The following BTG4 variants were observed in gnomAD, a reference collection of about 807,000 sequenced individuals.
BTG4 encodes the protein BTG anti-proliferation factor 4, also known as protein BTG4.
Under a neutral mutation model 19.3 loss-of-function variants are expected in BTG4, and 10 were observed. The observed-to-expected ratio is 0.52, with a 90% CI of 0.32 to 0.88. The LOEUF (loss-of-function observed/expected upper bound fraction) is 0.88, where lower values mean the gene tolerates loss of function less well. Ranked by LOEUF, BTG4 falls within the 40% of genes least tolerant of loss-of-function variation. The pLI, the probability that BTG4 is intolerant of heterozygous loss-of-function variation, is 0.04. For missense variants in BTG4, 238 were observed against 281.9 expected (o/e 0.84, Z 1.11); for synonymous variants, 91 against 95.7 (o/e 0.95, Z 0.29).
the BTG4 span, chr11:111,453,702 G>T: frequency 5.6e-6 from 2 of 356,196 alleles, no homozygotes; most frequent in Non-Finnish European, 1.1e-5. Context: ...TTCATCCACT[G>T]ATTTGCTCAA....
At chr11:111,485,769 CTT>C (rs1293808903) in intron 5 of BTG4, among the ~76,000 whole-genome samples, 3 of 152,112 alleles carry the variant, frequency 2.0e-5, no homozygotes, top group South Asian at 2.1e-4. Context: ...GAAATTGAGA[CTT>C]TAAAAAAATA....
chr11:111,488,250 A>G (rs1865187337), intron 5 of BTG4, among the ~76,000 whole-genome samples: 1 of 152,250 alleles, frequency 6.6e-6, no homozygotes, highest in Non-Finnish European at 1.5e-5. Flanking sequence ...TGGCATAAGA[A>G]CATACACATT....
the BTG4 span, among the ~76,000 whole-genome samples, chr11:111,409,600 C>T: frequency 3.3e-5 from 5 of 152,192 alleles, no homozygotes; most frequent in East Asian, 9.6e-4. Flanking sequence ...GCTTCTTTTA[C>T]AGCCTGCAGA....
the BTG4 span, among the ~76,000 whole-genome samples, chr11:111,388,174 T>C: frequency 1.3e-5 from 2 of 152,332 alleles, no homozygotes; most frequent in East Asian, 3.9e-4. Flanking sequence ...CAAGAATTCC[T>C]AGAGAATTTC....
intron 5 of BTG4, chr11:111,475,082 T>C (rs997676156): frequency 2.6e-5 from 4 of 152,614 alleles, no homozygotes; most frequent in Non-Finnish European, 5.9e-5. Context: ...TGTTTATTTT[T>C]TCCATTTTAT....
the BTG4 span, among the ~76,000 whole-genome samples, chr11:111,391,826 G>C: frequency 6.6e-6 from 1 of 152,268 alleles, no homozygotes; most frequent in African/African-American, 2.4e-5. Context: ...TTAGGAGAAA[G>C]GGTGGGAGGT....
At chr11:111,447,778 C>A in the BTG4 span, among the ~76,000 whole-genome samples, 1 of 152,200 alleles carries the variant, frequency 6.6e-6, no homozygotes, top group African/African-American at 2.4e-5. Context: ...TAGATTTCAT[C>A]CTCATGAAAT....
chr11:111,473,430 T>G (rs538664777), intron 5 of BTG4: 10 of 152,636 alleles, frequency 6.6e-5, no homozygotes, highest in Non-Finnish European at 1.3e-4. Flanking sequence ...TAAGGTGAGA[T>G]ACCCTTATGA....
the BTG4 span, among the ~76,000 whole-genome samples, chr11:111,441,551 C>T: frequency 3.3e-5 from 5 of 152,208 alleles, no homozygotes; most frequent in African/African-American, 1.2e-4. Context: ...TACGGATTGA[C>T]TTCTCTGTCC....
At chr11:111,456,247 G>T in the BTG4 span, among the ~76,000 whole-genome samples, 5 of 152,134 alleles carry the variant, frequency 3.3e-5, no homozygotes, top group Non-Finnish European at 7.4e-5. This position sits in a 1 kb window ranked among gnomAD's most constrained non-coding sequence, Gnocchi z 4.2. Flanking sequence ...TGGGAATCCC[G>T]TAGCCCCCCT....
chr11:111,497,985 T>C lies in BTG4; in HGVS notation c.311+13A>G, dbSNP rs780767318. On this transcript the variant is annotated intron_variant, in intron 3 of 4. Coordinates refer to ENST00000692032, the MANE Select transcript of BTG4 (RefSeq NM_001367975.1). ...CAGGTATCACACAGCACACAAACTATGAGATTACTCACCTACAGCATACTT... is the reference window on the plus strand; with the variant it reads ...CAGGTATCACACAGCACACAAACTACGAGATTACTCACCTACAGCATACTT... 1 of 1,612,886 alleles carries C rather than the reference T, an allele frequency of 6.2e-7. No homozygotes were observed. Among genetic ancestry groups the C allele is most frequent in the Non-Finnish European group, 8.5e-7 (1 of 1,179,152 alleles).
intron 1 of BTG4, among the ~76,000 whole-genome samples, chr11:111,499,486 G>A (rs1375585847): frequency 6.6e-6 from 1 of 152,012 alleles, no homozygotes; most frequent in Non-Finnish European, 1.5e-5. Flanking sequence ...AAGTGGAGTG[G>A]GTTCTCTATT....
chr11:111,502,833 G>T (rs1276872136), intron 1 of BTG4, among the ~76,000 whole-genome samples: 1 of 152,198 alleles, frequency 6.6e-6, no homozygotes, highest in Non-Finnish European at 1.5e-5. Context: ...GGCAGGCCTT[G>T]AAAGTTATGA....
the BTG4 span, among the ~76,000 whole-genome samples, chr11:111,400,709 A>G: frequency 6.6e-6 from 1 of 152,184 alleles, no homozygotes. Context: ...GAAGGGGAAG[A>G]AATAACCTCA....
chr11:111,470,247 A>G (rs1022741214), intron 5 of BTG4, among the ~76,000 whole-genome samples: 4 of 152,078 alleles, frequency 2.6e-5, no homozygotes, highest in African/African-American at 9.7e-5. Flanking sequence ...CCATCCCGGC[A>G]AATTTTCATA....
At chr11:111,403,349 G>C in the BTG4 span, among the ~76,000 whole-genome samples, 1 of 152,180 alleles carries the variant, frequency 6.6e-6, no homozygotes, top group Non-Finnish European at 1.5e-5. Flanking sequence ...CGTTAGGTAG[G>C]ACTGAAATTA....
the BTG4 span, among the ~76,000 whole-genome samples, chr11:111,433,616 C>T: frequency 1.3e-5 from 2 of 152,172 alleles, no homozygotes; most frequent in Non-Finnish European, 2.9e-5. Context: ...AGTGAACAGG[C>T]AACCTACAGA....
At chr11:111,426,591 C>T in the BTG4 span, among the ~76,000 whole-genome samples, 1 of 149,654 alleles carries the variant, frequency 6.7e-6, no homozygotes, top group Non-Finnish European at 1.5e-5. Flanking sequence ...AGTGACTCTC[C>T]CTCCATGCTC....
chr11:111,440,979 C>T, the BTG4 span, among the ~76,000 whole-genome samples: 1 of 152,194 alleles, frequency 6.6e-6, no homozygotes, highest in Non-Finnish European at 1.5e-5. Flanking sequence ...CAGACAGGCA[C>T]CCGCAGACCC....
Sources: gnomAD v4.1 joint callset for allele counts (sites outside exome capture counted in the v4.1 genomes callset) on GRCh38, gnomAD v4.1.1 for gene constraint, Gnocchi (gnomAD v3.1) non-coding constraint, MANE v1.5 for transcripts, NCBI Gene and HGNC (gene_info 2026-07-23, HGNC 2026-07-21) for gene names.